NEDD4: variants seen among roughly 807,000 people sequenced by gnomAD.
The protein encoded by NEDD4 is E3 ubiquitin-protein ligase NEDD4.
NEDD4 carries 99 observed loss-of-function variants against 144.9 expected under a neutral mutation model. The observed-to-expected ratio is 0.68, with a 90% CI of 0.58 to 0.81. The LOEUF is 0.81. Ranked by LOEUF, NEDD4 falls within the 30% of genes least tolerant of loss-of-function variation. NEDD4 has a pLI of 0.00. For missense variants in NEDD4, 985 were observed against 1,065.9 expected (o/e 0.92, Z 1.06); for synonymous variants, 318 against 350.6 (o/e 0.91, Z 1.04).
intron 1 of NEDD4, among the ~76,000 whole-genome samples, chr15:55,988,382 C>T (rs60503031): frequency 7.6e-4 from 96 of 126,208 alleles, no homozygotes; most frequent in African/African-American, 2.8e-3. Flanking sequence ...CTAGATGACA[C>T]GTTAGTGGGT....
intron 5 of NEDD4, chr15:55,916,731 C>T: frequency 1.2e-6 from 2 of 1,614,016 alleles, no homozygotes; most frequent in East Asian, 4.5e-5. Flanking sequence ...TCTTTTGAAG[C>T]ACATGTGAAC....
intron 4 of NEDD4, among the ~76,000 whole-genome samples, chr15:55,950,610 C>A (rs1158288834): frequency 6.6e-6 from 1 of 152,088 alleles, no homozygotes; most frequent in African/African-American, 2.4e-5. Flanking sequence ...CGAATAACAG[C>A]AGTTTCATTT....
At chr15:55,945,548 A>T (rs1182110276) in intron 4 of NEDD4, among the ~76,000 whole-genome samples, 3 of 152,220 alleles carry the variant, frequency 2.0e-5, no homozygotes, top group Admixed American at 6.5e-5. Flanking sequence ...TGTAGCTGAA[A>T]GTGACAGGGA....
intron 1 of NEDD4, among the ~76,000 whole-genome samples, chr15:55,984,558 A>C (rs1200280015): frequency 2.6e-5 from 4 of 152,188 alleles, no homozygotes; most frequent in Admixed American, 6.6e-5. Flanking sequence ...ATTGACGGCC[A>C]TGATTGTTTG....
rs534957719 is a variant in NEDD4 at position 55,893,999 on chromosome 15, T to C, written c.292-19991A>G. Among the ~76,000 whole-genome samples the C allele has an allele frequency of 8.5e-5, 13 of 152,164 alleles. No individual in the cohort carries two copies. The East Asian group carries it at 1.9e-3, about 23-fold the overall frequency. On this transcript the variant is annotated intron_variant, in intron 5 of 28. Coordinates refer to ENST00000435532, the MANE Select transcript of NEDD4 (RefSeq NM_006154.4). ...TCCTAGAAGTTCAAAATTTACTGAGTCAATCTTTCTATATGTCAATGAGGA... is the reference window on the plus strand; with the variant it reads ...TCCTAGAAGTTCAAAATTTACTGAGCCAATCTTTCTATATGTCAATGAGGA...
At chr15:55,938,942 A>C (rs1219733740) in intron 4 of NEDD4, among the ~76,000 whole-genome samples, 1 of 152,056 alleles carries the variant, frequency 6.6e-6, no homozygotes, top group Non-Finnish European at 1.5e-5. Flanking sequence ...ACTACAAAAA[A>C]TAAAATAAAA....
At chr15:55,975,953 T>C (rs559229027) in intron 1 of NEDD4, among the ~76,000 whole-genome samples, 3 of 152,232 alleles carry the variant, frequency 2.0e-5, no homozygotes, top group Admixed American at 1.3e-4. Context: ...TGGAACAGAA[T>C]AGAGAACCCA....
intron 4 of NEDD4, among the ~76,000 whole-genome samples, chr15:55,947,098 C>G (rs1404174476): frequency 7.9e-5 from 12 of 152,082 alleles, no homozygotes; most frequent in African/African-American, 2.9e-4. Context: ...ATTGAAAGAA[C>G]TAGAGAAGCA....
intron 21 of NEDD4, among the ~76,000 whole-genome samples, chr15:55,839,411 T>C (rs11632977): frequency 0.4 from 61,263 of 152,018 alleles, 12,567 homozygotes; most frequent in South Asian, 0.48. Context: ...TTAATAAATA[T>C]AGAGGCTCAA....
chr15:55,905,104 AAAG>A, intron 5 of NEDD4: 9 of 318,010 alleles, frequency 2.8e-5, no homozygotes, highest in South Asian at 5.0e-5. Flanking sequence ...AAAAAAAAAA[AAAG>A]AAAAGAAAAG....
intron 5 of NEDD4, among the ~76,000 whole-genome samples, chr15:55,876,480 C>A (rs1462486973): frequency 1.3e-5 from 2 of 151,364 alleles, no homozygotes; most frequent in African/African-American, 2.4e-5. Flanking sequence ...ACATTGTGCA[C>A]AAGATAGGTG....
At chr15:55,937,373 C>G (rs1353984402) in intron 4 of NEDD4, among the ~76,000 whole-genome samples, 4 of 152,104 alleles carry the variant, frequency 2.6e-5, no homozygotes, top group African/African-American at 9.7e-5. Flanking sequence ...AATAGAGGAC[C>G]ACACATAATA....
intron 1 of NEDD4, among the ~76,000 whole-genome samples, chr15:55,971,516 T>A (rs530829159): frequency 2.4e-4 from 37 of 151,690 alleles, no homozygotes; most frequent in African/African-American, 8.9e-4. Context: ...TCCCAGCTAC[T>A]CAGGAGGCTG....
intron 4 of NEDD4, among the ~76,000 whole-genome samples, chr15:55,944,415 G>C (rs117753040): frequency 0.03 from 4,598 of 152,318 alleles, 90 homozygotes; most frequent in Non-Finnish European, 0.047. Context: ...CGACCTGCCA[G>C]TCTGCAGACT....
chr15:55,871,180 G>T (rs1289481569), intron 7 of NEDD4, among the ~76,000 whole-genome samples: 1 of 152,180 alleles, frequency 6.6e-6, no homozygotes, highest in Non-Finnish European at 1.5e-5. Flanking sequence ...TACTGAAGGA[G>T]ATGTGAACAT....
At chr15:55,854,159 G>GA (rs1232268025) in intron 12 of NEDD4, among the ~76,000 whole-genome samples, 28 of 147,306 alleles carry the variant, frequency 1.9e-4, no homozygotes, top group Non-Finnish European at 3.0e-4. Context: ...CCTCCCCTCC[G>GA]AAAAAAAAAA....
chr15:55,838,406 G>C (rs931113014), intron 22 of NEDD4, 103 bp downstream of exon 22: 1 of 835,674 alleles, frequency 1.2e-6, no homozygotes, highest in Non-Finnish European at 1.9e-6. Context: ...ACTGGGAAAT[G>C]AATGTAAAAA....
chr15:55,951,765 C>T (rs541497128), intron 2 of NEDD4, among the ~76,000 whole-genome samples, 176 bp from the exon 3 acceptor site: 35 of 152,002 alleles, frequency 2.3e-4, no homozygotes, highest in Admixed American at 8.5e-4. Flanking sequence ...TTTTGCATCT[C>T]GTTAAAAACC....
At chr15:55,844,468 G>A (rs1217530007) in intron 18 of NEDD4, among the ~76,000 whole-genome samples, 1 of 152,126 alleles carries the variant, frequency 6.6e-6, no homozygotes, top group Non-Finnish European at 1.5e-5. Flanking sequence ...TGGAAGAAGA[G>A]GGGGGTACAA....
Sources: gnomAD v4.1 joint callset for allele counts (sites outside exome capture counted in the v4.1 genomes callset) on GRCh38, gnomAD v4.1.1 for gene constraint, MANE v1.5 for transcripts, NCBI Gene and HGNC (gene_info 2026-07-23, HGNC 2026-07-21) for gene names.